The following SIPA1L1 variants were observed in gnomAD, a reference collection of about 807,000 sequenced individuals.
SIPA1L1 encodes the protein signal induced proliferation associated 1 like 1.
In SIPA1L1, 26 loss-of-function variants were observed where a neutral mutation model predicts 162.7. That is an observed-to-expected ratio of 0.16 (90% CI 0.12 to 0.22). The LOEUF (loss-of-function observed/expected upper bound fraction) is 0.22, where lower values mean the gene tolerates loss of function less well. SIPA1L1 is among the 10% of genes least tolerant of loss of function. The pLI, the probability that SIPA1L1 is intolerant of heterozygous loss-of-function variation, is 1.00. For missense variants in SIPA1L1, 1,874 were observed against 2,241.0 expected, an observed-to-expected ratio of 0.84 and a Z score of 3.31; for synonymous variants, 829 against 837.4, an observed-to-expected ratio of 0.99 and a Z score of 0.17.
chr14:71,343,467 A>G (rs1444720629), intron 2 of SIPA1L1, among the ~76,000 whole-genome samples: 1 of 152,208 alleles, frequency 6.6e-6, no homozygotes, highest in Admixed American at 6.5e-5. Flanking sequence ...GAAATAATTT[A>G]AATGTACCGT....
At chr14:71,495,323 G>C (rs1225591344) in intron 2 of SIPA1L1, among the ~76,000 whole-genome samples, 7 of 151,792 alleles carry the variant, frequency 4.6e-5, no homozygotes, top group Admixed American at 4.6e-4. Context: ...GAGATTTTCT[G>C]TTTCTTCTTG....
At chr14:71,600,472 A>G (rs769142858) in intron 5 of SIPA1L1, among the ~76,000 whole-genome samples, 7 of 152,134 alleles carry the variant, frequency 4.6e-5, no homozygotes, top group African/African-American at 9.7e-5. Flanking sequence ...TTTTAGACCA[A>G]TGCCATGCTG....
chr14:71,738,236 C>CCGCTG lies in SIPA1L1; in HGVS notation c.5124-4_5124-3insGCTGC. Reference sequence around the variant, plus strand: ...CCAACATGGTCTTTTGTTTCTTGTTCCCAGCAGTAAAGACTCCTCTCCCAC... The same window carrying CCGCTG: ...CCAACATGGTCTTTTGTTTCTTGTTCCGCTGCCAGCAGTAAAGACTCCTCTCCCAC... On this transcript the variant is annotated splice_polypyrimidine_tract_variant and splice_region_variant and intron_variant, in intron 22 of 23. Coordinates refer to ENST00000381232, the MANE Select transcript of SIPA1L1 (RefSeq NM_001386936.1). 6.3e-7 allele frequency: 1 copy of CCGCTG among 1,597,440 alleles called. No homozygotes were observed.
In SIPA1L1 at chr14:71,739,977, T is replaced by C. The variant is rs188916053; in HGVS notation, c.*816T>C. 8 of 152,354 alleles carry C rather than the reference T, an allele frequency of 5.3e-5. No individual in the cohort carries two copies. Among genetic ancestry groups the C allele is most frequent in the African/African-American group, 1.9e-4 (8 of 41,584 alleles). The allele number at this position is 152,354 out of a possible 1,614,324, so 9.4% of individuals were successfully genotyped here. On this transcript the variant is annotated 3_prime_UTR_variant, in exon 24 of 24. Coordinates refer to ENST00000381232, the MANE Select transcript of SIPA1L1 (RefSeq NM_001386936.1). ...CTTCCTGGCTCCAAACATTAATTGA[T>C]TTCAGAATTCCCCCAAACTAAAACC...
intron 4 of SIPA1L1, chr14:71,573,468 G>A (rs1273420314): frequency 2.3e-6 from 1 of 437,276 alleles, no homozygotes. Flanking sequence ...TGTCCTGTTT[G>A]ATTGTCTTTT....
At chr14:71,343,258 A>G (rs979312874) in intron 2 of SIPA1L1, among the ~76,000 whole-genome samples, 21 of 152,166 alleles carry the variant, frequency 1.4e-4, no homozygotes, top group African/African-American at 4.3e-4. Flanking sequence ...CCCACCATCA[A>G]TCCACAAAGT....
In SIPA1L1 at chr14:71,671,378, T is replaced by G; in HGVS notation, c.2515T>G (p.Ser839Ala). 1 of 1,614,172 alleles carries G rather than the reference T, an allele frequency of 6.2e-7. No homozygotes were observed. Among genetic ancestry groups the G allele is most frequent in the Non-Finnish European group, 8.5e-7 (1 of 1,180,032 alleles). Residue 839 changes from serine to alanine, a missense_variant, in exon 11 of 24, where the codon TCC becomes GCC. Ser to Ala is a moderately conservative substitution (Grantham distance 99). Coordinates refer to ENST00000381232, the MANE Select transcript of SIPA1L1 (RefSeq NM_001386936.1). Reference protein sequence around the residue: ...SGKFPFISLASKKKEKSKPYP... With the variant: ...SGKFPFISLAAKKKEKSKPYP... ...CAAGTTTCCGTTCATCTCTCTGGCTTCCAAGAAGAAGGAAAAGTCTAAGCC... is the reference window on the plus strand; with the variant it reads ...CAAGTTTCCGTTCATCTCTCTGGCTGCCAAGAAGAAGGAAAAGTCTAAGCC...
In SIPA1L1 at chr14:71,390,496, A is replaced by G. The variant is rs376822624; in HGVS notation, c.-465+69315A>G. On this transcript the variant is annotated intron_variant, in intron 2 of 23. Transcript: ENST00000381232. ...TGCCCAAATATTTTTCTTTAGTTTC[A>G]GTGTTATTTAAAACAGCATTCATAA... 3.7e-4 allele frequency among the ~76,000 whole-genome samples: 56 copies of G among 152,196 alleles called. No homozygotes were observed. In the East Asian group the frequency reaches 9.5e-3, roughly 26 times the overall value.
At chr14:71,710,807 CAAA>C (rs570414143) in intron 17 of SIPA1L1, among the ~76,000 whole-genome samples, 6 of 57,656 alleles carry the variant, frequency 1.0e-4, no homozygotes, top group Admixed American at 1.8e-4. Flanking sequence ...GATTCTGTCT[CAAA>C]AAAAAAAAAA....
intron 2 of SIPA1L1, among the ~76,000 whole-genome samples, chr14:71,479,418 C>T (rs2048165748): frequency 6.6e-6 from 1 of 151,896 alleles, no homozygotes; most frequent in South Asian, 2.1e-4. Context: ...TTTCTAGAGA[C>T]AGGGTCTTGC....
At chr14:71,671,938 T>C (rs1596819347) in intron 11 of SIPA1L1, among the ~76,000 whole-genome samples, 2 of 141,946 alleles carry the variant, frequency 1.4e-5, no homozygotes, top group African/African-American at 5.5e-5. Flanking sequence ...TGTGTGTGTG[T>C]GTGTGCGTTC....
chr14:71,526,550 C>T (rs1180851023), intron 3 of SIPA1L1, among the ~76,000 whole-genome samples: 6 of 152,070 alleles, frequency 3.9e-5, no homozygotes, highest in Non-Finnish European at 8.8e-5. Context: ...GTGTAGCAGG[C>T]GAAACTAAGG....
At chr14:71,692,172 A>T (rs925942191) in intron 13 of SIPA1L1, among the ~76,000 whole-genome samples, 2 of 152,228 alleles carry the variant, frequency 1.3e-5, no homozygotes, top group African/African-American at 4.8e-5. Flanking sequence ...TATCTTGGAG[A>T]AAATAAACCA....
intron 2 of SIPA1L1, among the ~76,000 whole-genome samples, chr14:71,346,776 G>A (rs2036208728): frequency 1.3e-5 from 2 of 152,152 alleles, no homozygotes; most frequent in African/African-American, 4.8e-5. Flanking sequence ...ACAGCTGTGT[G>A]TAACCATCAC....
In SIPA1L1 at chr14:71,720,285, T is replaced by G. The variant is rs1289442591; in HGVS notation, c.4209-3362T>G. Among the ~76,000 whole-genome samples, 6 of 152,232 alleles carry G rather than the reference T, an allele frequency of 3.9e-5. No individual in the cohort carries two copies. The East Asian group carries it at 9.7e-4, about 24-fold the overall frequency. On this transcript the variant is annotated intron_variant, in intron 17 of 23. Coordinates refer to ENST00000381232, the MANE Select transcript of SIPA1L1 (RefSeq NM_001386936.1). ...TCTTTAGGGCCAATAATTCTTAGATTTACCCTTTTGACAGGACAGGCATGG... is the reference window on the plus strand; with the variant it reads ...TCTTTAGGGCCAATAATTCTTAGATGTACCCTTTTGACAGGACAGGCATGG...
intron 2 of SIPA1L1, among the ~76,000 whole-genome samples, chr14:71,486,144 T>TAAATGTATTTA (rs1381125033): frequency 2.6e-5 from 4 of 152,256 alleles, no homozygotes; most frequent in Non-Finnish European, 5.9e-5. Flanking sequence ...GAAATATTTT[T>TAAATGTATTTA]AATACCCTAA....
At chr14:71,721,224 G>A (rs1037433126) in intron 17 of SIPA1L1, among the ~76,000 whole-genome samples, 3 of 152,160 alleles carry the variant, frequency 2.0e-5, no homozygotes, top group Non-Finnish European at 4.4e-5. Flanking sequence ...TGCTTTGATG[G>A]GCTTGGACAG....
chr14:71,359,804 T>C lies in SIPA1L1; in HGVS notation c.-465+38623T>C, dbSNP rs542335644. ...AGGGAACTCAGATTCAGATGAAGAG[T>C]CATGAGATTATGCAGATATTATCAA... On this transcript the variant is annotated intron_variant, in intron 2 of 23. Coordinates refer to ENST00000381232, the MANE Select transcript of SIPA1L1 (RefSeq NM_001386936.1). 2.7e-4 allele frequency among the ~76,000 whole-genome samples: 41 copies of C among 152,224 alleles called. No homozygotes were observed. In the South Asian group the frequency reaches 8.3e-3, roughly 31 times the overall value.
chr14:71,373,701 C>T (rs1274677638), intron 2 of SIPA1L1, among the ~76,000 whole-genome samples: 1 of 151,076 alleles, frequency 6.6e-6, no homozygotes, highest in Non-Finnish European at 1.5e-5. Context: ...AATGTATATA[C>T]TTTTCAAAAT....
Sources: allele counts gnomAD v4.1 joint callset (sites outside exome capture counted in the v4.1 genomes callset), GRCh38; gene constraint gnomAD v4.1.1; transcripts MANE v1.5; gene names NCBI Gene and HGNC (gene_info 2026-07-23, HGNC 2026-07-21).